Variants in PNMA8B observed in about 807,000 individuals in gnomAD.
The protein encoded by PNMA8B is paraneoplastic antigen-like protein 8B.
For synonymous variants in PNMA8B, 386 were observed against 394.9 expected, an observed-to-expected ratio of 0.98 and a Z score of 0.27; for missense variants, 887 against 885.8, an observed-to-expected ratio of 1.00 and a Z score of -0.02.
Position 46,493,765 on chromosome 19 carries a change from T to TCGGGCG in PNMA8B, c.1700_1701insCGCCCG (p.Arg567_Gly568insAlaArg). 1 of 1,008,782 alleles carries TCGGGCG rather than the reference T, an allele frequency of 9.9e-7. No individual in the cohort carries two copies. The highest frequency in any genetic ancestry group is 1.3e-6 in the Non-Finnish European group (1 of 774,544). The allele number at this position is 1,008,782 out of a possible 1,614,324, so 62.5% of individuals were successfully genotyped here. ...TCTTCTCGGGAGTGACGCCCCGGCC[T>TCGGGCG]CGGCCTCGGCCGCCCGCGCGGGTTT... On this transcript the variant is annotated inframe_insertion, in exon 1 of 1. Coordinates refer to ENST00000599531, the MANE Select transcript of PNMA8B (RefSeq NM_020709.3). This position sits in a 1 kb window ranked among gnomAD's most constrained non-coding sequence, Gnocchi z 5.3.
chr19:46,495,346 C>T lies in PNMA8B; in HGVS notation c.120G>A (p.Gln40=), dbSNP rs1970079432. Residue 40 remains glutamine, a synonymous_variant, in exon 1 of 1, where the codon CAG becomes CAA. Coordinates refer to ENST00000599531, the MANE Select transcript of PNMA8B (RefSeq NM_020709.3). ...ACGTGCCCAGGGGCAGGAGGGTCGG[C>T]TGCAGGACGGCTTCGACGTCTGCCT... ...LEQADVEAVL[Q]PTLLPLGTFR... 4 of 1,290,040 alleles carry T rather than the reference C, an allele frequency of 3.1e-6. No individual in the cohort carries two copies. The highest frequency in any genetic ancestry group is 4.5e-6 in the Non-Finnish European group (4 of 884,572). The allele number at this position is 1,290,040 out of a possible 1,614,324, so 79.9% of individuals were successfully genotyped here.
Position 46,494,697 on chromosome 19 carries a change from C to A in PNMA8B, c.769G>T (p.Val257Phe). The stretch of plus-strand genomic sequence containing the variant: ...TTCTTCGATTTGTCGGTGACGGTGA[C>A]CAGAGCCAAGAACTCGCGGGGACCG... ...EDGPREFLAL[V>F]TVTDKSKKEE... The change falls in exon 1 of 1, where the codon GTC becomes TTC. Residue 257 changes from valine (V) to phenylalanine (F), a missense_variant. Val to Phe is a conservative substitution (Grantham distance 50). Transcript: ENST00000599531. 1 of 1,614,028 alleles carries A rather than the reference C, an allele frequency of 6.2e-7. No homozygotes were observed. The highest frequency in any genetic ancestry group is 1.3e-5 in the African/African-American group (1 of 75,052).
Position 46,493,990 on chromosome 19 carries a change from G to A in PNMA8B, c.1476C>T (p.Ala492=), listed in dbSNP as rs1285616311. The A allele has an allele frequency of 6.2e-7, 1 of 1,613,414 alleles. No individual in the cohort carries two copies. The highest frequency in any genetic ancestry group is 1.7e-5 in the Admixed American group (1 of 59,978). ...GKLGEVLALL[A]ARENMGSNEG... is the part of the protein sequence containing the mutation. Reference sequence around the variant, plus strand: ...CGTTGGACCCCATGTTCTCCCGGGCGGCCAGGAGCGCCAATACCTCCCCCA... The same window carrying A: ...CGTTGGACCCCATGTTCTCCCGGGCAGCCAGGAGCGCCAATACCTCCCCCA... Residue 492 remains alanine, a synonymous_variant, in exon 1 of 1, where the codon GCC becomes GCT. Coordinates refer to ENST00000599531, the MANE Select transcript of PNMA8B (RefSeq NM_020709.3). This position sits in a 1 kb window ranked among gnomAD's most constrained non-coding sequence, Gnocchi z 5.3.
At position 46,493,211 on chromosome 19, in the gene PNMA8B, C is replaced by T. The variant is rs761284371; in HGVS notation, c.*347G>A. On this transcript the variant is annotated 3_prime_UTR_variant, in exon 1 of 1. Transcript: ENST00000599531. The surrounding 1 kb of genome is among the most constrained non-coding windows in gnomAD (Gnocchi z 5.3). ...GAGCGCCACGAAGAGCCCTGCTCGC[C>T]TCTGCAGGTGCCCGGCGTCCACACA... 4 of 217,902 alleles carry T rather than the reference C, an allele frequency of 1.8e-5. No homozygotes were observed. The highest frequency in any genetic ancestry group is 3.6e-5 in the Non-Finnish European group (4 of 110,790). 13.5% of individuals were successfully genotyped at this position (217,902 alleles called of 1,614,324 possible).
rs754727380 is a variant in PNMA8B at position 46,493,665 on chromosome 19, C to T, written c.1801G>A (p.Ala601Thr). 6.5e-7 allele frequency: 1 copy of T among 1,532,250 alleles called. No individual in the cohort carries two copies. Among genetic ancestry groups the T allele is most frequent in the Non-Finnish European group, 8.7e-7 (1 of 1,148,416 alleles). 94.9% of individuals were successfully genotyped at this position (1,532,250 alleles called of 1,614,324 possible). ...TTGGCCTCGCCTGCCCTGGCATGGG[C>T]CCCGGCGCCCGCGCTCCCCTTCTTC... The part of the protein sequence containing the change: ...RKKKGSAGAG[A>T]HARAGEAKGQ... The change falls in exon 1 of 1, where the codon GCC becomes ACC. Residue 601 changes from alanine to threonine, a missense_variant. Ala to Thr is a moderately conservative substitution (Grantham distance 58). Coordinates refer to ENST00000599531, the MANE Select transcript of PNMA8B (RefSeq NM_020709.3). The surrounding 1 kb of genome is among the most constrained non-coding windows in gnomAD (Gnocchi z 5.3).
Position 46,495,653 on chromosome 19 carries a change from A to G in PNMA8B, c.-188T>C, listed in dbSNP as rs1970084634. The G allele has an allele frequency of 4.4e-6, 3 of 688,794 alleles. No homozygotes were observed. Among genetic ancestry groups the G allele is most frequent in the Admixed American group, 3.0e-5 (1 of 33,350 alleles). The allele number at this position is 688,794 out of a possible 1,614,324, so 42.7% of individuals were successfully genotyped here. ...CTCTAGCTGCCTGCTGGCCGGCTGG[A>G]CGCAGTGACCTTCCCCCGGGACCCC... is the stretch of plus-strand genomic sequence containing the variant. On this transcript the variant is annotated 5_prime_UTR_variant, in exon 1 of 1. Coordinates refer to ENST00000599531, the MANE Select transcript of PNMA8B (RefSeq NM_020709.3).
Position 46,494,670 on chromosome 19 carries a change from CT to C in PNMA8B, c.795del (p.Glu266LysfsTer15). The part of the protein sequence containing the change: ...ALVTVTDKSK[K>X]EEAEKEPAGA... ...CCAGCTGGCTCCTTCTCTGCCTCTTCTTTCTTCGATTTGTCGGTGACGGTGA... is the reference window on the plus strand; with the variant it reads ...CCAGCTGGCTCCTTCTCTGCCTCTTCTTCTTCGATTTGTCGGTGACGGTGA... On this transcript the variant is annotated frameshift_variant, in exon 1 of 1. Coordinates refer to ENST00000599531, the MANE Select transcript of PNMA8B (RefSeq NM_020709.3). LOFTEE classifies it low-confidence loss of function (END_TRUNC). The C allele has an allele frequency of 6.2e-7, 1 of 1,614,060 alleles. No homozygotes were observed. The highest frequency in any genetic ancestry group is 8.5e-7 in the Non-Finnish European group (1 of 1,179,892).
chr19:46,494,218 G>A lies in PNMA8B; in HGVS notation c.1248C>T (p.Ser416=), dbSNP rs1161935883. Residue 416 remains serine (S), a synonymous_variant, in exon 1 of 1, where the codon TCC becomes TCT. Coordinates refer to ENST00000599531, the MANE Select transcript of PNMA8B (RefSeq NM_020709.3). ...GDDGDLRECI[S]TLAQPDLPPQ... is the part of the protein sequence containing the mutation. ...GAGGGAGATCCGGCTGCGCCAAGGT[G>A]GAAATGCACTCCCGGAGGTCCCCGT... is the stretch of plus-strand genomic sequence containing the variant. The A allele has an allele frequency of 1.8e-5, 29 of 1,609,278 alleles. No individual in the cohort carries two copies. The highest frequency in any genetic ancestry group is 2.5e-5 in the Non-Finnish European group (29 of 1,179,766).
chr19:46,493,824 C>T lies in PNMA8B; in HGVS notation c.1642G>A (p.Ala548Thr). The T allele has an allele frequency of 7.2e-7, 1 of 1,391,002 alleles. No homozygotes were observed. The highest frequency in any genetic ancestry group is 9.3e-7 in the Non-Finnish European group (1 of 1,077,836). 86.2% of individuals were successfully genotyped at this position (1,391,002 alleles called of 1,614,324 possible). The change falls in exon 1 of 1, where the codon GCC becomes ACC. Residue 548 changes from alanine (A) to threonine (T), a missense_variant. Transcript: ENST00000599531. This position sits in a 1 kb window ranked among gnomAD's most constrained non-coding sequence, Gnocchi z 5.3. ...ARTAPRGLTP[A>T]GAPPTASGAR... ...CCGGAAGCGGTGGGAGGCGCGCCGG[C>T]CGGAGTCAGGCCCCTGGGGGCCGTG...
Position 46,494,201 on chromosome 19 carries a change from T to C in PNMA8B, c.1265A>G (p.Asp422Gly), listed in dbSNP as rs1208648281. The C allele has an allele frequency of 6.2e-7, 1 of 1,609,006 alleles. No homozygotes were observed. The highest frequency in any genetic ancestry group is 8.5e-7 in the Non-Finnish European group (1 of 1,179,762). The change falls in exon 1 of 1, where the codon GAT becomes GGT. Residue 422 changes from aspartate to glycine, a missense_variant. Coordinates refer to ENST00000599531, the MANE Select transcript of PNMA8B (RefSeq NM_020709.3). ...RECISTLAQP[D>G]LPPQAKKAGR... Reference sequence around the variant, plus strand: ...AGCCTTCTTCGCCTGGGGAGGGAGATCCGGCTGCGCCAAGGTGGAAATGCA... The same window carrying C: ...AGCCTTCTTCGCCTGGGGAGGGAGACCCGGCTGCGCCAAGGTGGAAATGCA...
In PNMA8B at chr19:46,495,571, T is replaced by A; in HGVS notation, c.-106A>T. Reference sequence around the variant, plus strand: ...ACCCTAGAAAGCCACTTGCAGGGCTTAGAGTCCCGGTTCCGGTGAATGTGG... The same window carrying A: ...ACCCTAGAAAGCCACTTGCAGGGCTAAGAGTCCCGGTTCCGGTGAATGTGG... On this transcript the variant is annotated 5_prime_UTR_variant, in exon 1 of 1. Transcript: ENST00000599531. The A allele has an allele frequency of 7.0e-7, 1 of 1,418,506 alleles. No homozygotes were observed. The highest frequency in any genetic ancestry group is 1.5e-5 in the South Asian group (1 of 66,964). 87.9% of individuals were successfully genotyped at this position (1,418,506 alleles called of 1,614,324 possible).
In PNMA8B at chr19:46,493,786, G is replaced by C; in HGVS notation, c.1680C>G (p.Thr560=). The C allele has an allele frequency of 7.9e-7, 1 of 1,260,410 alleles. No individual in the cohort carries two copies. The highest frequency in any genetic ancestry group is 1.0e-6 in the Non-Finnish European group (1 of 974,152). 78.1% of individuals were successfully genotyped at this position (1,260,410 alleles called of 1,614,324 possible). The change falls in exon 1 of 1, where the codon ACC becomes ACG. Residue 560 remains threonine, a synonymous_variant. Transcript: ENST00000599531. The surrounding 1 kb of genome is among the most constrained non-coding windows in gnomAD (Gnocchi z 5.3). The stretch of plus-strand genomic sequence containing the variant: ...GGCCTCGGCCTCGGCCGCCCGCGCG[G>C]GTTTTGCGGGCCCCGGAAGCGGTGG... ...APPTASGARK[T]RAGGRGRGRG... is the part of the protein sequence containing the mutation.
chr19:46,494,044 G>A lies in PNMA8B; in HGVS notation c.1422C>T (p.Gly474=). The change falls in exon 1 of 1, where the codon GGC becomes GGT. Residue 474 remains glycine (G), a synonymous_variant. Transcript: ENST00000599531. ...MKEEKENAWE[G]GKYKYPKGKL... The stretch of plus-strand genomic sequence containing the variant: ...TGCCTTTGGGGTATTTGTACTTCCC[G>A]CCTTCCCAGGCGTTTTCTTTTTCCT... 2 of 1,613,456 alleles carry A rather than the reference G, an allele frequency of 1.2e-6. No individual in the cohort carries two copies. The highest frequency in any genetic ancestry group is 1.7e-6 in the Non-Finnish European group (2 of 1,179,824).
At position 46,495,368 on chromosome 19, in the gene PNMA8B, G is replaced by T; in HGVS notation, c.98C>A (p.Ala33Glu). ...VTGIPEGLEQ[A>E]DVEAVLQPTL... ...CGGCTGCAGGACGGCTTCGACGTCT[G>T]CCTGCTCCAGGCCCTCCGGGATGCC... is the stretch of plus-strand genomic sequence containing the variant. Residue 33 changes from alanine to glutamate, a missense_variant, in exon 1 of 1, where the codon GCA (alanine) becomes GAA (glutamate). Ala to Glu is a moderately radical substitution (Grantham distance 107, BLOSUM62 -1). Transcript: ENST00000599531. 7.6e-7 allele frequency: 1 copy of T among 1,313,136 alleles called. No homozygotes were observed. Among genetic ancestry groups the T allele is most frequent in the Non-Finnish European group, 1.1e-6 (1 of 906,286 alleles). 81.3% of individuals were successfully genotyped at this position (1,313,136 alleles called of 1,614,324 possible).
chr19:46,494,824 C>G lies in PNMA8B; in HGVS notation c.642G>C (p.Leu214=). 2.5e-6 allele frequency: 4 copies of G among 1,613,584 alleles called. No homozygotes were observed. Among genetic ancestry groups the G allele is most frequent in the Non-Finnish European group, 3.4e-6 (4 of 1,179,874 alleles). The change falls in exon 1 of 1, where the codon CTG becomes CTC. Residue 214 remains leucine (L), a synonymous_variant. Transcript: ENST00000599531. Reference sequence around the variant, plus strand: ...GCGCGCTCTGGTCCTCTTCTCCGCTCAGGTCGCCCTGGTCGATCTCCTCGA... The same window carrying G: ...GCGCGCTCTGGTCCTCTTCTCCGCTGAGGTCGCCCTGGTCGATCTCCTCGA... ...IVIEEIDQGD[L]SGEEDQSALY... is the part of the protein sequence containing the mutation.
In PNMA8B at chr19:46,493,600, C is replaced by A; in HGVS notation, c.1866G>T (p.Lys622Asn). The part of the protein sequence containing the change: ...APTGSKAARG[K>N]KARRGRRLPP... ...GCAGCCTCCGGCCCCGACGGGCCTT[C>A]TTCCCGCGCGCGGCCTTGGATCCAG... The change falls in exon 1 of 1, where the codon AAG becomes AAT. Residue 622 changes from lysine (K) to asparagine (N), a missense_variant. Physicochemically the swap from Lys to Asn is moderately conservative, Grantham distance 94. Coordinates refer to ENST00000599531, the MANE Select transcript of PNMA8B (RefSeq NM_020709.3). This position sits in a 1 kb window ranked among gnomAD's most constrained non-coding sequence, Gnocchi z 5.3. 3 of 1,489,856 alleles carry A rather than the reference C, an allele frequency of 2.0e-6. No individual in the cohort carries two copies. Among genetic ancestry groups the A allele is most frequent in the Non-Finnish European group, 2.7e-6 (3 of 1,130,844 alleles). The allele number at this position is 1,489,856 out of a possible 1,614,324, so 92.3% of individuals were successfully genotyped here.
rs1360684368 is a variant in PNMA8B at position 46,493,836 on chromosome 19, C to A, written c.1630G>T (p.Gly544Cys). The A allele has an allele frequency of 2.8e-6, 4 of 1,443,420 alleles. No individual in the cohort carries two copies. The highest frequency in any genetic ancestry group is 1.9e-4 in the Middle Eastern group (1 of 5,320). 89.4% of individuals were successfully genotyped at this position (1,443,420 alleles called of 1,614,324 possible). ...RAKRARTAPRGLTPAGAPPTA... is the reference protein window; with the variant it reads ...RAKRARTAPRCLTPAGAPPTA... ...GGAGGCGCGCCGGCCGGAGTCAGGC[C>A]CCTGGGGGCCGTGCGCGCCCTCTTG... Residue 544 changes from glycine to cysteine, a missense_variant, in exon 1 of 1, where the codon GGC (glycine) becomes TGC (cysteine). Transcript: ENST00000599531. This position sits in a 1 kb window ranked among gnomAD's most constrained non-coding sequence, Gnocchi z 5.3.
rs147338403 is a variant in PNMA8B at position 46,493,759 on chromosome 19, C to CCGGCCTCGGCCT, written c.1695_1706dup (p.Arg567_Gly570dup). ...CGGCTTTCTTCTCGGGAGTGACGCC[C>CCGGCCTCGGCCT]CGGCCTCGGCCTCGGCCGCCCGCGC... On this transcript the variant is annotated inframe_insertion, in exon 1 of 1. Coordinates refer to ENST00000599531, the MANE Select transcript of PNMA8B (RefSeq NM_020709.3). This position sits in a 1 kb window ranked among gnomAD's most constrained non-coding sequence, Gnocchi z 5.3. 1.4e-5 allele frequency: 20 copies of CCGGCCTCGGCCT among 1,408,420 alleles called. No individual in the cohort carries two copies. Among genetic ancestry groups the CCGGCCTCGGCCT allele is most frequent in the Non-Finnish European group, 1.8e-5 (20 of 1,085,696 alleles). 87.2% of individuals were successfully genotyped at this position (1,408,420 alleles called of 1,614,324 possible).
Position 46,495,268 on chromosome 19 carries a change from C to T in PNMA8B, c.198G>A (p.Leu66=), listed in dbSNP as rs1401523502. The change falls in exon 1 of 1, where the codon CTG becomes CTA. Residue 66 remains leucine (L), a synonymous_variant. Transcript: ENST00000599531. ...GATTGACGTCCTCCACAAACTCCACCAGGGCGGCCTGGGCCTTCTCGTTCA... is the reference window on the plus strand; with the variant it reads ...GATTGACGTCCTCCACAAACTCCACTAGGGCGGCCTGGGCCTTCTCGTTCA... ...ALMNEKAQAA[L]VEFVEDVNHA... is the part of the protein sequence containing the mutation. The T allele has an allele frequency of 1.9e-6, 3 of 1,547,194 alleles. No individual in the cohort carries two copies. In the African/African-American group the frequency reaches 4.1e-5, roughly 21 times the overall value.
Sources: gnomAD v4.1 joint callset for allele counts on GRCh38, gnomAD v4.1.1 for gene constraint, Gnocchi (gnomAD v3.1) non-coding constraint, MANE v1.5 for transcripts, NCBI Gene and HGNC (gene_info 2026-07-23, HGNC 2026-07-21) for gene names.